The following MRPL48 variants were observed in gnomAD, a reference collection of about 807,000 sequenced individuals.
The protein encoded by MRPL48 is large ribosomal subunit protein mL48.
MRPL48 carries 16 observed loss-of-function variants against 32.9 expected under a neutral mutation model. The ratio of observed to expected loss-of-function variants is 0.49; its 90% CI spans 0.33 to 0.74. The LOEUF (loss-of-function observed/expected upper bound fraction) is 0.74. MRPL48 is among the 30% of genes least tolerant of loss of function. The pLI, the probability that MRPL48 is intolerant of heterozygous loss-of-function variation, is 0.02. For synonymous variants in MRPL48, 94 were observed against 89.2 expected, an observed-to-expected ratio of 1.05 and a Z score of -0.31; for missense variants, 206 against 245.3, an observed-to-expected ratio of 0.84 and a Z score of 1.07.
intron 4 of MRPL48, among the ~76,000 whole-genome samples, chr11:73,843,642 C>T (rs1388720811): frequency 6.6e-6 from 1 of 152,162 alleles, no homozygotes; most frequent in African/African-American, 2.4e-5. Context: ...AAAAGGAATG[C>T]TGTGTAGACA....
chr11:73,838,336 T>C (rs772079660), intron 4 of MRPL48, among the ~76,000 whole-genome samples: 2 of 152,204 alleles, frequency 1.3e-5, no homozygotes, highest in Non-Finnish European at 2.9e-5. Context: ...AACTGAAATA[T>C]GTATTGTAAT....
intron 4 of MRPL48, among the ~76,000 whole-genome samples, chr11:73,833,133 C>T (rs546255465): frequency 2.0e-5 from 3 of 151,856 alleles, no homozygotes; most frequent in African/African-American, 7.2e-5. Flanking sequence ...GAGTTCAGCT[C>T]AACAAACATT....
At chr11:73,864,189 T>C in intron 7 of MRPL48, 107 bp from the exon 8 acceptor site, 1 of 892,682 alleles carries the variant, frequency 1.1e-6, no homozygotes, top group Admixed American at 2.4e-5. Context: ...TGAATCTGAA[T>C]GATTCTCTAC....
chr11:73,849,003 AGT>A (rs1393755460), intron 5 of MRPL48, among the ~76,000 whole-genome samples: 5 of 151,870 alleles, frequency 3.3e-5, no homozygotes, highest in Non-Finnish European at 7.4e-5. Flanking sequence ...TTGTATTTTT[AGT>A]AGAGTTGGGG....
chr11:73,794,184 G>C (rs940379082), intron 1 of MRPL48, among the ~76,000 whole-genome samples: 19 of 139,178 alleles, frequency 1.4e-4, no homozygotes, highest in African/African-American at 4.6e-4. Context: ...GTGAGACCCT[G>C]TATCTATCTA....
At chr11:73,808,423 G>A (rs1251014284) in intron 3 of MRPL48, 73 bp downstream of exon 3, 10 of 1,449,652 alleles carry the variant, frequency 6.9e-6, no homozygotes, top group Non-Finnish European at 9.5e-6. Flanking sequence ...ATTTTGCCTA[G>A]AAGGAAGCCT....
At chr11:73,804,241 G>A (rs918152698) in intron 1 of MRPL48, among the ~76,000 whole-genome samples, 1 of 151,026 alleles carries the variant, frequency 6.6e-6, no homozygotes, top group African/African-American at 2.4e-5. Flanking sequence ...GAGAGAGACA[G>A]TGTACTATAA....
At chr11:73,820,427 G>A (rs140906151) in intron 3 of MRPL48, among the ~76,000 whole-genome samples, 71 of 152,262 alleles carry the variant, frequency 4.7e-4, no homozygotes, top group African/African-American at 1.7e-3. Context: ...GTTTCACCAT[G>A]TTGGCCAGGC....
chr11:73,802,190 T>C (rs938387586), intron 1 of MRPL48: 2 of 152,250 alleles, frequency 1.3e-5, no homozygotes, highest in African/African-American at 2.4e-5. Context: ...GTGCTTGTTG[T>C]TCGCACCACC....
chr11:73,805,653 A>AC (rs1947436323), intron 2 of MRPL48, among the ~76,000 whole-genome samples: 1 of 111,294 alleles, frequency 9.0e-6, no homozygotes, highest in Non-Finnish European at 1.8e-5. Context: ...TATAAACAGA[A>AC]CCTTTTTTTT....
chr11:73,840,886 C>T (rs551564743), intron 4 of MRPL48, among the ~76,000 whole-genome samples: 1 of 152,138 alleles, frequency 6.6e-6, no homozygotes, highest in East Asian at 1.9e-4. Context: ...GCAGCATGTA[C>T]AAAGGATCAT....
chr11:73,825,527 G>T (rs968289750), intron 3 of MRPL48, among the ~76,000 whole-genome samples, 181 bp from the exon 4 acceptor site: 1 of 151,740 alleles, frequency 6.6e-6, no homozygotes, highest in Non-Finnish European at 1.5e-5. Context: ...ACTTGGGGTC[G>T]GCGGGGAGGG....
At chr11:73,857,820 T>C (rs1948512711) in intron 5 of MRPL48, among the ~76,000 whole-genome samples, 1 of 152,030 alleles carries the variant, frequency 6.6e-6, no homozygotes, top group Non-Finnish European at 1.5e-5. Context: ...CTTGAACTCC[T>C]GACCTCAGGT....
chr11:73,815,540 G>A (rs1479044279), intron 3 of MRPL48, among the ~76,000 whole-genome samples: 2 of 151,672 alleles, frequency 1.3e-5, no homozygotes, highest in Non-Finnish European at 2.9e-5. Context: ...TTTGCTGCCC[G>A]GACTTTGATA....
chr11:73,863,093 T>G, intron 6 of MRPL48, 79 bp from the exon 7 acceptor site: 2 of 1,266,966 alleles, frequency 1.6e-6, no homozygotes, highest in Non-Finnish European at 2.2e-6. Context: ...GAGCTGGCAT[T>G]TGAACCCATA....
At chr11:73,790,520 G>C (rs1283875843) in intron 1 of MRPL48, among the ~76,000 whole-genome samples, 1 of 149,976 alleles carries the variant, frequency 6.7e-6, no homozygotes, top group African/African-American at 2.5e-5. Flanking sequence ...GAGTAGCTGG[G>C]GCTACGGGTG....
At chr11:73,820,373 T>C (rs1470215839) in intron 3 of MRPL48, among the ~76,000 whole-genome samples, 1 of 152,112 alleles carries the variant, frequency 6.6e-6, no homozygotes, top group African/African-American at 2.4e-5. Context: ...TACAGGCATG[T>C]ACCATCACAC....
At chr11:73,803,690 C>T (rs138910840) in intron 1 of MRPL48, among the ~76,000 whole-genome samples, 392 of 152,002 alleles carry the variant, frequency 2.6e-3, no homozygotes, top group African/African-American at 8.8e-3. Context: ...CCATAGTGGG[C>T]AGGATTTTCT....
intron 1 of MRPL48, among the ~76,000 whole-genome samples, chr11:73,790,676 G>C (rs1477342810): frequency 6.6e-6 from 1 of 151,552 alleles, no homozygotes; most frequent in African/African-American, 2.4e-5. Flanking sequence ...GAGCAACCGT[G>C]CCTGGCCGCT....
Sources: allele counts gnomAD v4.1 joint callset (sites outside exome capture counted in the v4.1 genomes callset), GRCh38; gene constraint gnomAD v4.1.1; transcripts MANE v1.5; gene names NCBI Gene and HGNC (gene_info 2026-07-23, HGNC 2026-07-21).